Variants in RAB11FIP3 observed in about 807,000 individuals in gnomAD.
RAB11FIP3 encodes the protein RAB11 family interacting protein 3.
RAB11FIP3 carries 17 observed loss-of-function variants against 77.8 expected under a neutral mutation model. The observed-to-expected ratio is 0.22, with a 90% CI of 0.15 to 0.33. RAB11FIP3 has a LOEUF of 0.33. RAB11FIP3 is among the 10% of genes least tolerant of loss of function. The pLI is 1.00. For synonymous variants in RAB11FIP3, 437 were observed against 448.2 expected, an observed-to-expected ratio of 0.98 and a Z score of 0.31; for missense variants, 1,005 against 1,011.2, an observed-to-expected ratio of 0.99 and a Z score of 0.08.
At chr16:443,472 A>C (rs917124900) in intron 1 of RAB11FIP3, among the ~76,000 whole-genome samples, 12 of 152,226 alleles carry the variant, frequency 7.9e-5, no homozygotes, top group South Asian at 2.1e-4. Flanking sequence ...ACAAAACCAG[A>C]GTCATAATTG....
intron 1 of RAB11FIP3, among the ~76,000 whole-genome samples, chr16:446,271 A>T (rs1221841711): frequency 6.6e-6 from 1 of 152,132 alleles, no homozygotes; most frequent in Admixed American, 6.5e-5. Flanking sequence ...ATAATAAAAT[A>T]AAGATCACCC....
At chr16:513,634 T>A (rs1226682816) in intron 9 of RAB11FIP3, among the ~76,000 whole-genome samples, 1 of 152,258 alleles carries the variant, frequency 6.6e-6, no homozygotes, top group Non-Finnish European at 1.5e-5. Flanking sequence ...GATTTTGAAA[T>A]ACAGTAGTTT....
chr16:431,673 C>G (rs1319805741), intron 1 of RAB11FIP3, among the ~76,000 whole-genome samples: 1 of 152,074 alleles, frequency 6.6e-6, no homozygotes, highest in Non-Finnish European at 1.5e-5. Context: ...CCGCACCTGG[C>G]CCAGACCTTT....
At chr16:427,610 C>T (rs2054971146) in intron 1 of RAB11FIP3, among the ~76,000 whole-genome samples, 1 of 152,216 alleles carries the variant, frequency 6.6e-6, no homozygotes, top group African/African-American at 2.4e-5. Flanking sequence ...CAAATAATAC[C>T]AGTGCTCACT....
rs1351591510 is a variant in RAB11FIP3, at chr16:426,663, C to T, written c.657C>T (p.Asp219=). The change falls in exon 1 of 14, where the codon GAC becomes GAT. Residue 219 remains aspartate (D), a synonymous_variant. Coordinates refer to ENST00000262305, the MANE Select transcript of RAB11FIP3 (RefSeq NM_014700.4). This position sits in a 1 kb window ranked among gnomAD's most constrained non-coding sequence, Gnocchi z 5.0. ...TCGATGCCCTGGACGGGGATGGGGA[C>T]GGTTTCGTCCGCATCGAGGACTTCA... ...AVFDALDGDG[D]GFVRIEDFIQ... The T allele has an allele frequency of 1.3e-6, 2 of 1,558,570 alleles. No individual in the cohort carries two copies. The highest frequency in any genetic ancestry group is 1.9e-5 in the Admixed American group (1 of 52,330).
chr16:520,101 C>T (rs1271482689), intron 11 of RAB11FIP3, 21 bp from the exon 12 acceptor site: 3 of 1,542,888 alleles, frequency 1.9e-6, no homozygotes, highest in East Asian at 4.9e-5. Flanking sequence ...CCCCCCGGCT[C>T]ACTGCACGGT....
At chr16:468,137 CCTCA>C (rs2055743483) in intron 2 of RAB11FIP3, among the ~76,000 whole-genome samples, 2 of 38,704 alleles carry the variant, frequency 5.2e-5, no homozygotes, top group African/African-American at 1.2e-4. Flanking sequence ...GGTGCAGGGG[CCTCA>C]GGGAGGAGGT....
At chr16:449,141 C>T (rs1015144495) in intron 1 of RAB11FIP3, among the ~76,000 whole-genome samples, 6 of 152,074 alleles carry the variant, frequency 3.9e-5, no homozygotes, top group African/African-American at 1.2e-4. Context: ...TTCCAGCTGC[C>T]GGCCCCCTGC....
At chr16:477,013 G>T (rs1265590358) in intron 3 of RAB11FIP3, among the ~76,000 whole-genome samples, 2 of 151,494 alleles carry the variant, frequency 1.3e-5, no homozygotes, top group African/African-American at 4.9e-5. Context: ...TTGAACCTGG[G>T]AGGTAGAGGC....
intron 1 of RAB11FIP3, among the ~76,000 whole-genome samples, chr16:432,787 A>G (rs1346606156): frequency 6.6e-6 from 1 of 150,742 alleles, no homozygotes; most frequent in Non-Finnish European, 1.5e-5. Context: ...TGTATTTTTA[A>G]TAGAGATGGG....
intron 6 of RAB11FIP3, 193 bp downstream of exon 6, chr16:497,052 C>G: frequency 1.6e-6 from 1 of 641,880 alleles, no homozygotes; most frequent in South Asian, 1.9e-5. Context: ...GAATTTGGAC[C>G]TGGATTTGTG....
At chr16:475,862 TAAA>T (rs1373688670) in intron 3 of RAB11FIP3, among the ~76,000 whole-genome samples, 35 of 152,076 alleles carry the variant, frequency 2.3e-4, no homozygotes, top group African/African-American at 8.2e-4. Context: ...TTTTATTTTT[TAAA>T]TTGTTTTTTG....
At position 515,739 on chromosome 16, in the gene RAB11FIP3, T is replaced by TGACC. The variant is rs1348036876; in HGVS notation, c.1641-3203_1641-3202insACCG. ...GAGCAGCCACACGGCCGACACGTGT[T>TGACC]GGGGTTTGCATCTCGGAACAGCCAC... On this transcript the variant is annotated intron_variant, in intron 9 of 13. Transcript: ENST00000262305. 7.9e-3 allele frequency among the ~76,000 whole-genome samples: 1,032 copies of TGACC among 131,312 alleles called. 12 individuals are homozygous for TGACC. Among genetic ancestry groups the TGACC allele is most frequent in the African/African-American group, 0.028 (964 of 34,068 alleles). The allele number at this position is 131,312 out of a possible 152,430, so 86.1% of individuals were successfully genotyped here. A position where few individuals can be genotyped will look rare whatever the true frequency, so the allele number is the denominator to read the frequency against.
intron 5 of RAB11FIP3, among the ~76,000 whole-genome samples, chr16:492,348 C>G (rs1347956502): frequency 1.6e-5 from 1 of 62,120 alleles, no homozygotes; most frequent in Non-Finnish European, 2.6e-5. Flanking sequence ...CAGAAGTGCT[C>G]TTTGAAGAGG....
chr16:455,541 C>G (rs1026455224), intron 1 of RAB11FIP3, among the ~76,000 whole-genome samples: 2 of 151,746 alleles, frequency 1.3e-5, no homozygotes, highest in African/African-American at 4.8e-5. Flanking sequence ...TCAGTCCATT[C>G]TTGGGTGGGT....
At position 514,499 on chromosome 16, in the gene RAB11FIP3, C is replaced by T. The variant is rs773094145; in HGVS notation, c.1640+3699C>T. On this transcript the variant is annotated intron_variant, in intron 9 of 13. Transcript: ENST00000262305. The surrounding 1 kb of genome is among the most constrained non-coding windows in gnomAD (Gnocchi z 4.6). ...AAACAGCTGGATTTCAGGAGTGGAG[C>T]CTCAGTAGAGATGAGAGTTAAAGCT... Among the ~76,000 whole-genome samples the T allele has an allele frequency of 2.0e-5, 3 of 152,156 alleles. No homozygotes were observed. Among genetic ancestry groups the T allele is most frequent in the Non-Finnish European group, 4.4e-5 (3 of 68,026 alleles).
chr16:500,538 G>T lies in RAB11FIP3; in HGVS notation c.1302-2466G>T, dbSNP rs1970791. 2.3e-3 allele frequency among the ~76,000 whole-genome samples: 356 copies of T among 151,512 alleles called. 6 individuals carry two copies. Among genetic ancestry groups the T allele is most frequent in the African/African-American group, 8.3e-3 (342 of 41,324 alleles). On this transcript the variant is annotated intron_variant, in intron 6 of 13. Coordinates refer to ENST00000262305, the MANE Select transcript of RAB11FIP3 (RefSeq NM_014700.4). Reference sequence around the variant, plus strand: ...TCTACTAAAAAAAACAATACAAAAAGTTAGCTGGGCATGGTGGCAGGTGCC... The same window carrying T: ...TCTACTAAAAAAAACAATACAAAAATTTAGCTGGGCATGGTGGCAGGTGCC...
At chr16:450,197 TCTCA>T (rs780479982) in intron 1 of RAB11FIP3, among the ~76,000 whole-genome samples, 1 of 151,866 alleles carries the variant, frequency 6.6e-6, no homozygotes, top group Non-Finnish European at 1.5e-5. Flanking sequence ...TGAGACAGGG[TCTCA>T]CTCTGTCGCC....
intron 4 of RAB11FIP3, among the ~76,000 whole-genome samples, chr16:486,744 A>G (rs2056162547): frequency 6.6e-6 from 1 of 152,020 alleles, no homozygotes; most frequent in Admixed American, 6.6e-5. Flanking sequence ...TCCTGAGGAG[A>G]GGAGGAGATG....
Sources: allele counts gnomAD v4.1 joint callset (sites outside exome capture counted in the v4.1 genomes callset), GRCh38; gene constraint gnomAD v4.1.1; non-coding constraint Gnocchi (gnomAD v3.1); transcripts MANE v1.5; gene names NCBI Gene and HGNC (gene_info 2026-07-23, HGNC 2026-07-21).